FOXP1: variants seen among roughly 807,000 people sequenced by gnomAD.
FOXP1 encodes the protein forkhead box protein P1.
A neutral mutation model predicts 98.2 loss-of-function variants in FOXP1; 15 were observed. The ratio of observed to expected loss-of-function variants is 0.15; its 90% confidence interval spans 0.10 to 0.24. The LOEUF (loss-of-function observed/expected upper bound fraction) is 0.24, where lower values mean the gene tolerates loss of function less well. FOXP1 is among the 10% of genes least tolerant of loss of function. The probability of loss-of-function intolerance (pLI) is 1.00; values close to 1 mark genes in which losing one functional copy is unlikely to be tolerated. For missense variants in FOXP1, 633 were observed against 848.5 expected, an observed-to-expected ratio of 0.75 and a Z score of 3.15; for synonymous variants, 371 against 314.5, an observed-to-expected ratio of 1.18 and a Z score of -1.90.
rs989300729 is a variant in FOXP1 at position 70,955,921 on chromosome 3, T to C, written c.*3326A>G. ...AAGAAATCTTCAACTATGTTACAGT[T>C]TAAAAGCAGAAAAAAAAAGTTAGGG... On this transcript the variant is annotated 3_prime_UTR_variant, in exon 21 of 21. Transcript: ENST00000649528. The C allele has an allele frequency of 1.7e-5, 4 of 232,858 alleles. No homozygotes were observed. The highest frequency in any genetic ancestry group is 8.8e-5 in the African/African-American group (4 of 45,222). The allele number at this position is 232,858 out of a possible 1,614,324, so 14.4% of individuals were successfully genotyped here. A position where few individuals can be genotyped will look rare whatever the true frequency, so the allele number is the denominator to read the frequency against.
At position 70,955,839 on chromosome 3, in the gene FOXP1, C is replaced by CACACAG. The variant is rs2031648829; in HGVS notation, c.*3407_*3408insCTGTGT. The CACACAG allele has an allele frequency of 4.3e-6, 1 of 232,826 alleles. No homozygotes were observed. The highest frequency in any genetic ancestry group is 6.1e-5 in the East Asian group (1 of 16,472). The allele number at this position is 232,826 out of a possible 1,614,324, so 14.4% of individuals were successfully genotyped here. A position where few individuals can be genotyped will look rare whatever the true frequency, so the allele number is the denominator to read the frequency against. On this transcript the variant is annotated 3_prime_UTR_variant, in exon 21 of 21. Transcript: ENST00000649528. Reference sequence around the variant, plus strand: ...TAACACACACGCACGCGCGCACACACACACACACACACACACAAAACCTGT... The same window carrying CACACAG: ...TAACACACACGCACGCGCGCACACACACACAGACACACACACACACACAAAACCTGT...
rs1345918844 is a variant in FOXP1, at chr3:70,977,007, T to C, written c.1464A>G (p.Leu488=). Residue 488 remains leucine, a synonymous_variant, in exon 17 of 21, where the codon CTA becomes CTG. Transcript: ENST00000649528. ...GTGTGAACCAGTTATAGATCTCATT[T>C]AGTGTTAGCTGCTTTTCTGGAGATT... The part of the protein sequence containing the change: ...ILESPEKQLT[L]NEIYNWFTRM... 5.0e-6 allele frequency: 8 copies of C among 1,614,042 alleles called. No homozygotes were observed. In the Admixed American group the frequency reaches 1.2e-4, roughly 24 times the overall value.
intron 3 of FOXP1, among the ~76,000 whole-genome samples, chr3:71,463,733 GA>G (rs1236572855): frequency 1.3e-5 from 2 of 152,154 alleles, no homozygotes; most frequent in Non-Finnish European, 2.9e-5. Flanking sequence ...ACTGCGTCTT[GA>G]CCCCAAACAC....
At chr3:71,466,399 A>G (rs1447787989) in intron 3 of FOXP1, among the ~76,000 whole-genome samples, 1 of 152,246 alleles carries the variant, frequency 6.6e-6, no homozygotes. Flanking sequence ...TGAAATTCAC[A>G]GTCAAGGAAA....
intron 2 of FOXP1, among the ~76,000 whole-genome samples, chr3:71,576,159 T>C (rs965594253): frequency 1.2e-4 from 19 of 152,208 alleles, no homozygotes; most frequent in Non-Finnish European, 2.5e-4. Flanking sequence ...CTTCAAACTG[T>C]TGAAATCAAA....
At chr3:71,439,098 G>A (rs1042634396) in intron 3 of FOXP1, among the ~76,000 whole-genome samples, 1 of 152,246 alleles carries the variant, frequency 6.6e-6, no homozygotes, top group Non-Finnish European at 1.5e-5. Flanking sequence ...GACTGCCTAT[G>A]CAGGTGGCAG....
chr3:71,343,912 A>G (rs2107794417), intron 4 of FOXP1, among the ~76,000 whole-genome samples: 1 of 152,320 alleles, frequency 6.6e-6, no homozygotes, highest in East Asian at 1.9e-4. Flanking sequence ...ACTGGTGTCA[A>G]CACTAAGGAA....
chr3:71,446,876 A>C (rs1030301561), intron 3 of FOXP1, among the ~76,000 whole-genome samples: 1 of 152,260 alleles, frequency 6.6e-6, no homozygotes, highest in Non-Finnish European at 1.5e-5. Context: ...ATACCAGTAC[A>C]TCTATTTCAG....
intron 2 of FOXP1, among the ~76,000 whole-genome samples, chr3:71,501,318 C>T (rs1006348006): frequency 4.1e-5 from 5 of 123,432 alleles, no homozygotes; most frequent in Non-Finnish European, 6.5e-5. Context: ...TTTTTTGAGA[C>T]GGAGTCTCGC....
intron 19 of FOXP1, 79 bp downstream of exon 19, chr3:70,970,657 G>C (rs895873422): frequency 7.9e-6 from 9 of 1,144,268 alleles, no homozygotes; most frequent in Non-Finnish European, 1.2e-5. Flanking sequence ...TATCTAATTA[G>C]AGCAAGGCTA....
intron 3 of FOXP1, among the ~76,000 whole-genome samples, chr3:71,478,436 G>A (rs1160067011): frequency 6.6e-6 from 1 of 152,128 alleles, no homozygotes; most frequent in East Asian, 1.9e-4. Context: ...GTAGAAATGG[G>A]TACAACTATG....
chr3:71,229,613 C>G (rs898616274), intron 5 of FOXP1, among the ~76,000 whole-genome samples: 1 of 152,058 alleles, frequency 6.6e-6, no homozygotes, highest in African/African-American at 2.4e-5. Flanking sequence ...TCAAAATCCA[C>G]GTATTTATTC....
chr3:71,234,345 C>G (rs1230319887), intron 5 of FOXP1, among the ~76,000 whole-genome samples: 1 of 152,182 alleles, frequency 6.6e-6, no homozygotes, highest in Admixed American at 6.5e-5. Context: ...CATCCTCCAC[C>G]ACTGGAGATC....
intron 5 of FOXP1, among the ~76,000 whole-genome samples, chr3:71,278,489 A>G (rs1458894433): frequency 6.6e-6 from 1 of 152,220 alleles, no homozygotes; most frequent in Non-Finnish European, 1.5e-5. Flanking sequence ...CAATTTGATT[A>G]AACAAATTTC....
chr3:71,326,335 C>T (rs2075689191), intron 4 of FOXP1, among the ~76,000 whole-genome samples: 1 of 152,106 alleles, frequency 6.6e-6, no homozygotes, highest in Non-Finnish European at 1.5e-5. Flanking sequence ...ACTCAATGGG[C>T]AAGAAATCCC....
At chr3:71,446,694 A>G (rs1030355621) in intron 3 of FOXP1, among the ~76,000 whole-genome samples, 1 of 152,246 alleles carries the variant, frequency 6.6e-6, no homozygotes, top group African/African-American at 2.4e-5. Flanking sequence ...ATGCCTCGTA[A>G]TTCTCCAATG....
chr3:71,012,912 G>GTGCATA (rs1357591745), intron 12 of FOXP1, among the ~76,000 whole-genome samples: 1 of 152,086 alleles, frequency 6.6e-6, no homozygotes, highest in Non-Finnish European at 1.5e-5. Context: ...AGGTATACAT[G>GTGCATA]TGCATATGTT....
At chr3:71,213,644 T>C (rs1191432179) in intron 5 of FOXP1, among the ~76,000 whole-genome samples, 2 of 152,014 alleles carry the variant, frequency 1.3e-5, no homozygotes, top group African/African-American at 4.8e-5. Flanking sequence ...GGTGAAATCC[T>C]GTCTTTACTA....
In FOXP1 at chr3:71,265,023, C is replaced by T. The variant is rs563602443; in HGVS notation, c.-12+34797G>A. Among the ~76,000 whole-genome samples, 18 of 152,226 alleles carry T rather than the reference C, an allele frequency of 1.2e-4. 1 individual carries two copies. The highest frequency in any genetic ancestry group is 9.8e-4 in the Admixed American group (15 of 15,300). ...GGCTCATCTGATTCTAGAGTGTGCA[C>T]GTATACACACTCAGAGGTTCCAGCT... is the stretch of plus-strand genomic sequence containing the variant. On this transcript the variant is annotated intron_variant, in intron 5 of 20. Coordinates refer to ENST00000649528, the MANE Select transcript of FOXP1 (RefSeq NM_001349338.3).
Sources: gnomAD v4.1 joint callset for allele counts (sites outside exome capture counted in the v4.1 genomes callset) on GRCh38, gnomAD v4.1.1 for gene constraint, MANE v1.5 for transcripts, NCBI Gene and HGNC (gene_info 2026-07-23, HGNC 2026-07-21) for gene names.